The following ZNF280C variants were observed in gnomAD, a reference collection of about 807,000 sequenced individuals.
ZNF280C encodes the protein zinc finger protein 280C.
In ZNF280C, 14 loss-of-function variants were observed where a neutral mutation model predicts 53.6. The ratio of observed to expected loss-of-function variants is 0.26; its 90% CI spans 0.17 to 0.41. The LOEUF (loss-of-function observed/expected upper bound fraction) is 0.41. Among genes scored for constraint, ZNF280C ranks in the 10% least tolerant of loss-of-function variants. The probability of loss-of-function intolerance (pLI) is 1.00; values close to 1 mark genes in which losing one functional copy is unlikely to be tolerated. For synonymous variants in ZNF280C, 203 were observed against 181.1 expected (o/e 1.12, Z -0.97); for missense variants, 416 against 547.1 (o/e 0.76, Z 2.39).
chrX:130,266,521 T>C (rs780543413), intron 1 of ZNF280C, among the ~76,000 whole-genome samples: 49 of 111,993 alleles, frequency 4.4e-4, no homozygotes, highest in Non-Finnish European at 5.3e-4. Flanking sequence ...AAATGATAAA[T>C]TGGTAAGGTG....
In ZNF280C at chrX:130,255,345, T is replaced by G. The variant is rs748248388; in HGVS notation, c.31+5074A>C. 3.4e-4 allele frequency among the ~76,000 whole-genome samples: 36 copies of G among 104,651 alleles called. No homozygotes were observed. In the East Asian group the frequency reaches 0.011, roughly 31 times the overall value. The allele number at this position is 104,651 out of a possible 115,157, so 90.9% of individuals were successfully genotyped here. On this transcript the variant is annotated intron_variant, in intron 2 of 18. Coordinates refer to ENST00000370978, the MANE Select transcript of ZNF280C (RefSeq NM_017666.5). ...TTAGTAGAGACGGGGTTTCACCGTT[T>G]TAGCCGGGATGGTCTCGATCTCCTG...
At chrX:130,217,621 C>T (rs984966139) in intron 13 of ZNF280C, among the ~76,000 whole-genome samples, 3 of 111,019 alleles carry the variant, frequency 2.7e-5, no homozygotes, top group Middle Eastern at 9.4e-3. Context: ...ACACTGTTAC[C>T]AAAAAACCAC....
chrX:130,209,798 T>C, intron 15 of ZNF280C, 83 bp from the exon 16 acceptor site: 2 of 748,618 alleles, frequency 2.7e-6, no homozygotes, highest in Non-Finnish European at 4.0e-6. Context: ...TTCAAGCCAA[T>C]GCTTAATTTC....
Position 130,205,149 on chromosome X carries a change from G to A in ZNF280C, c.2166C>T (p.Ser722=). The change falls in exon 18 of 19, where the codon TCC becomes TCT. Residue 722 remains serine (S), a synonymous_variant. Transcript: ENST00000370978. ...HTCQVIIENV[S]KSTSTSEPTT... ...TGGGTTCAGAAGTTGAGGTACTTTTGGAAACTGAAATCAAAAGAGTTTTAC... is the reference window on the plus strand; with the variant it reads ...TGGGTTCAGAAGTTGAGGTACTTTTAGAAACTGAAATCAAAAGAGTTTTAC... The A allele has an allele frequency of 8.3e-7, 1 of 1,201,311 alleles. No individual in the cohort carries two copies. Among genetic ancestry groups the A allele is most frequent in the African/African-American group, 1.7e-5 (1 of 57,392 alleles).
At chrX:130,263,519 A>G (rs2032653045) in intron 1 of ZNF280C, among the ~76,000 whole-genome samples, 2 of 111,986 alleles carry the variant, frequency 1.8e-5, no homozygotes. Flanking sequence ...CCATAGACAG[A>G]AAGTAGAGTA....
intron 8 of ZNF280C, among the ~76,000 whole-genome samples, chrX:130,234,771 T>C (rs1415350501): frequency 9.0e-6 from 1 of 111,623 alleles, no homozygotes; most frequent in African/African-American, 3.3e-5. Context: ...ACTAAAATAT[T>C]TTAAGTGGCG....
At chrX:130,209,044 G>C (rs1382558361) in intron 16 of ZNF280C, among the ~76,000 whole-genome samples, 1 of 112,030 alleles carries the variant, frequency 8.9e-6, no homozygotes, top group Non-Finnish European at 1.9e-5. Flanking sequence ...TCTATGAGCT[G>C]TTGGTCCAAC....
intron 13 of ZNF280C, among the ~76,000 whole-genome samples, chrX:130,219,100 T>G (rs769371874): frequency 8.9e-6 from 1 of 112,013 alleles, no homozygotes; most frequent in Non-Finnish European, 1.9e-5. Context: ...CAAAAGCATG[T>G]ACTCAAAGTG....
rs1000952740 is a variant in ZNF280C, at chrX:130,203,206, A to T, written c.*1771T>A. 8.9e-6 allele frequency: 1 copy of T among 111,883 alleles called. No individual in the cohort carries two copies. The highest frequency in any genetic ancestry group is 1.9e-5 in the Non-Finnish European group (1 of 53,254). The allele number at this position is 111,883 out of a possible 1,213,427, so 9.2% of individuals were successfully genotyped here. ...GGAGTTTGTAATAAGAACAAAACAA[A>T]CACAAAGAGAAGAGTTCAAAAGTAG... On this transcript the variant is annotated 3_prime_UTR_variant, in exon 19 of 19. Transcript: ENST00000370978.
intron 3 of ZNF280C, among the ~76,000 whole-genome samples, chrX:130,244,287 C>G (rs1056727014): frequency 3.6e-5 from 4 of 111,836 alleles, no homozygotes; most frequent in African/African-American, 1.3e-4. Context: ...TTGAGCCTCA[C>G]AAAACCCTCT....
intron 12 of ZNF280C, among the ~76,000 whole-genome samples, chrX:130,221,757 T>TA (rs2032166356): frequency 8.9e-6 from 1 of 112,004 alleles, no homozygotes; most frequent in Non-Finnish European, 1.9e-5. Context: ...CTGAGCCACT[T>TA]ACGCGGACTC....
intron 13 of ZNF280C, among the ~76,000 whole-genome samples, chrX:130,219,848 A>C (rs1283734900): frequency 9.0e-6 from 1 of 111,070 alleles, no homozygotes; most frequent in East Asian, 2.8e-4. Flanking sequence ...ATCTAGTTGC[A>C]CTAGAAATAT....
In ZNF280C at chrX:130,248,046, C is replaced by A. The variant is rs191932967; in HGVS notation, c.32-1041G>T. On this transcript the variant is annotated intron_variant, in intron 2 of 18. Transcript: ENST00000370978. ...ATGCGTACCAGAAAATTGAGGAAAA[C>A]CTTCAATGTGAAACACCAAAGCAAT... 6.2e-4 allele frequency among the ~76,000 whole-genome samples: 64 copies of A among 103,420 alleles called. 1 individual carries two copies. Among genetic ancestry groups the A allele is most frequent in the Admixed American group, 4.5e-3 (41 of 9,196 alleles). The allele number at this position is 103,420 out of a possible 115,157, so 89.8% of individuals were successfully genotyped here.
At chrX:130,242,390 T>C (rs1224280790) in intron 5 of ZNF280C, among the ~76,000 whole-genome samples, 2 of 112,698 alleles carry the variant, frequency 1.8e-5, no homozygotes, top group Non-Finnish European at 3.7e-5. Flanking sequence ...ATTAAAAGTT[T>C]TTAAAGCTAA....
chrX:130,262,994 A>G (rs2032647690), intron 1 of ZNF280C, among the ~76,000 whole-genome samples: 1 of 112,679 alleles, frequency 8.9e-6, no homozygotes, highest in Admixed American at 9.4e-5. Flanking sequence ...CAATAAAAAA[A>G]CATTTAAATA....
chrX:130,229,941 C>G (rs984468656), intron 9 of ZNF280C, among the ~76,000 whole-genome samples: 4 of 112,106 alleles, frequency 3.6e-5, no homozygotes, highest in African/African-American at 1.3e-4. Flanking sequence ...CAACTACTTA[C>G]AATTATTATG....
intron 12 of ZNF280C, among the ~76,000 whole-genome samples, chrX:130,221,963 A>G (rs183585108): frequency 9.0e-6 from 1 of 110,526 alleles, no homozygotes; most frequent in African/African-American, 3.3e-5. Context: ...TCTTGCTACA[A>G]TTTCATCTCC....
Position 130,203,679 on chromosome X carries a change from T to TA in ZNF280C, c.*1297dup, listed in dbSNP as rs2031939220. 9.0e-6 allele frequency: 1 copy of TA among 111,422 alleles called. No individual in the cohort carries two copies. The highest frequency in any genetic ancestry group is 2.8e-4 in the East Asian group (1 of 3,596). The allele number at this position is 111,422 out of a possible 1,213,427, so 9.2% of individuals were successfully genotyped here. On this transcript the variant is annotated 3_prime_UTR_variant, in exon 19 of 19. Transcript: ENST00000370978. ...CTCTGTCTTAAAAAAAGAAAAAAAA[T>TA]AAAGTGAATATCAGTATTGCTGAAA...
Position 130,228,102 on chromosome X carries a change from C to T in ZNF280C, c.1148-320G>A, listed in dbSNP as rs181193194. On this transcript the variant is annotated intron_variant, in intron 10 of 18. Transcript: ENST00000370978. Reference sequence around the variant, plus strand: ...TTGGAATCTGAACCAAATTTGTCCGCGTCTCAGACTCTAAATCTTAACATT... The same window carrying T: ...TTGGAATCTGAACCAAATTTGTCCGTGTCTCAGACTCTAAATCTTAACATT... Among the ~76,000 whole-genome samples, 6 of 111,551 alleles carry T rather than the reference C, an allele frequency of 5.4e-5. No individual in the cohort carries two copies. In the East Asian group the frequency reaches 1.4e-3, roughly 26 times the overall value.
Sources: allele counts gnomAD v4.1 joint callset (sites outside exome capture counted in the v4.1 genomes callset), GRCh38; gene constraint gnomAD v4.1.1; transcripts MANE v1.5; gene names NCBI Gene and HGNC (gene_info 2026-07-23, HGNC 2026-07-21).